The following THOC5 variants were observed in gnomAD, a reference collection of about 807,000 sequenced individuals.
The protein encoded by THOC5 is THO complex subunit 5.
Under a neutral mutation model 92.9 loss-of-function variants are expected in THOC5, and 43 were observed. That is an observed-to-expected ratio of 0.46 (90% CI 0.36 to 0.60). The LOEUF is 0.60. Ranked by LOEUF, THOC5 falls within the 20% of genes least tolerant of loss-of-function variation. THOC5 has a pLI of 0.00. For missense variants in THOC5, 659 were observed against 849.4 expected, an observed-to-expected ratio of 0.78 and a Z score of 2.79; for synonymous variants, 296 against 320.1, an observed-to-expected ratio of 0.92 and a Z score of 0.80.
At chr22:29,546,112 C>T (rs1385407135) in intron 2 of THOC5, among the ~76,000 whole-genome samples, 1 of 152,258 alleles carries the variant, frequency 6.6e-6, no homozygotes, top group Non-Finnish European at 1.5e-5. Flanking sequence ...GGCTTCCACC[C>T]TCTGAGCCAC....
At chr22:29,548,384 C>T (rs2064070430) in intron 2 of THOC5, among the ~76,000 whole-genome samples, 1 of 151,996 alleles carries the variant, frequency 6.6e-6, no homozygotes, top group Non-Finnish European at 1.5e-5. Flanking sequence ...GGCAAAACCT[C>T]ATATCTACAA....
chr22:29,543,347 CAA>C (rs59948387), intron 4 of THOC5, 80 bp downstream of exon 4: 40,311 of 449,796 alleles, frequency 0.09, no homozygotes, highest in East Asian at 0.12. Flanking sequence ...GACTCTGTCT[CAA>C]AAAAAAAAAA....
At chr22:29,516,209 T>C (rs1042129922) in intron 17 of THOC5, among the ~76,000 whole-genome samples, 4 of 148,232 alleles carry the variant, frequency 2.7e-5, no homozygotes, top group African/African-American at 9.9e-5. Flanking sequence ...AAAATCCAAA[T>C]AGTGGTCACT....
chr22:29,519,175 C>T, intron 14 of THOC5, 55 bp from the exon 15 acceptor site: 1 of 1,232,612 alleles, frequency 8.1e-7, no homozygotes, highest in Non-Finnish European at 1.2e-6. Flanking sequence ...TTCCTCCGGG[C>T]ACCATCTCTC....
At chr22:29,545,699 C>T (rs1456291104) in intron 2 of THOC5, among the ~76,000 whole-genome samples, 1 of 152,206 alleles carries the variant, frequency 6.6e-6, no homozygotes, top group Non-Finnish European at 1.5e-5. Flanking sequence ...AGGTGGCTTC[C>T]CATGGTCTTG....
intron 14 of THOC5, 96 bp from the exon 15 acceptor site, chr22:29,519,216 G>A (rs948425811): frequency 8.0e-6 from 6 of 749,468 alleles, no homozygotes; most frequent in Admixed American, 4.8e-5. Flanking sequence ...CGGCACCCTG[G>A]ATTATCCATG....
intron 7 of THOC5, chr22:29,535,207 G>C (rs945720391): frequency 7.0e-6 from 1 of 143,834 alleles, no homozygotes; most frequent in East Asian, 2.1e-4. Flanking sequence ...AGGTTGCAGT[G>C]AGCCGAGATG....
chr22:29,544,235 T>C (rs1474544589), intron 3 of THOC5, among the ~76,000 whole-genome samples: 1 of 152,142 alleles, frequency 6.6e-6, no homozygotes, highest in Admixed American at 6.5e-5. Flanking sequence ...ATGATCAAAT[T>C]AGTAGGGAAA....
At chr22:29,536,019 A>G (rs538999897) in intron 7 of THOC5, 3 of 152,354 alleles carry the variant, frequency 2.0e-5, no homozygotes, top group Non-Finnish European at 4.4e-5. Context: ...GGAAATATAG[A>G]TCTTGCCAAA....
intron 19 of THOC5, among the ~76,000 whole-genome samples, chr22:29,508,835 G>A (rs757955199): frequency 6.6e-5 from 10 of 151,798 alleles, no homozygotes; most frequent in South Asian, 2.1e-4. Flanking sequence ...TCTCTGTGTC[G>A]CCCAGGCTGG....
At chr22:29,512,249 A>T in intron 17 of THOC5, 113 bp from the exon 18 acceptor site, 2 of 761,194 alleles carry the variant, frequency 2.6e-6, no homozygotes, top group South Asian at 3.2e-5. Flanking sequence ...ATTAATCTGA[A>T]TGCTGCAGAG....
At chr22:29,527,548 G>T (rs746613604) in intron 11 of THOC5, among the ~76,000 whole-genome samples, 4 of 152,196 alleles carry the variant, frequency 2.6e-5, no homozygotes, top group African/African-American at 4.8e-5. Flanking sequence ...CAGGTGCAAA[G>T]AATCTTTCTA....
intron 15 of THOC5, 55 bp downstream of exon 15, chr22:29,518,951 G>T: frequency 1.8e-6 from 2 of 1,107,824 alleles, no homozygotes; most frequent in Non-Finnish European, 1.3e-6. Flanking sequence ...CTAAGTTGTT[G>T]TTGTCCGTGT....
intron 12 of THOC5, among the ~76,000 whole-genome samples, chr22:29,523,628 T>TGGG (rs1569215622): frequency 6.6e-6 from 1 of 152,060 alleles, no homozygotes; most frequent in East Asian, 1.9e-4. Flanking sequence ...ACAAAGACGG[T>TGGG]GGAAAGCCCA....
intron 2 of THOC5, chr22:29,545,157 G>A (rs1381624645): frequency 1.0e-5 from 4 of 395,970 alleles, no homozygotes; most frequent in Non-Finnish European, 2.0e-5. Flanking sequence ...GGAAGCAAAA[G>A]CAGAAACCCC....
At chr22:29,531,714 CT>C in intron 8 of THOC5, 116 bp downstream of exon 8, 1 of 1,492,568 alleles carries the variant, frequency 6.7e-7, no homozygotes, top group Non-Finnish European at 8.9e-7. Flanking sequence ...CTTCTGTCAC[CT>C]GAGGGCTTCG....
At chr22:29,532,385 C>T (rs1239081136) in intron 7 of THOC5, among the ~76,000 whole-genome samples, 1 of 151,772 alleles carries the variant, frequency 6.6e-6, no homozygotes, top group Non-Finnish European at 1.5e-5. Flanking sequence ...ATAAACAGGC[C>T]GGGCATAGTG....
intron 12 of THOC5, among the ~76,000 whole-genome samples, chr22:29,525,151 C>A (rs1478661833): frequency 3.3e-5 from 5 of 152,096 alleles, no homozygotes; most frequent in Non-Finnish European, 4.4e-5. Context: ...TGGCATGCAC[C>A]TGTAGTCCTA....
Position 29,511,285 on chromosome 22 carries a change from G to C in THOC5, c.1809C>G (p.Gly603=), listed in dbSNP as rs866852963. 1 of 1,611,102 alleles carries C rather than the reference G, an allele frequency of 6.2e-7. No individual in the cohort carries two copies. ...SNDDNIRAME[G]EVNVCYKELC... is the part of the protein sequence containing the mutation. Reference sequence around the variant, plus strand: ...GCTCCTTGTAGCACACATTGACTTCGCCCTCCATGGCCTGTGTGATAGGAA... The same window carrying C: ...GCTCCTTGTAGCACACATTGACTTCCCCCTCCATGGCCTGTGTGATAGGAA... The change falls in exon 19 of 20, where the codon GGC becomes GGG. Residue 603 remains glycine, a synonymous_variant. Coordinates refer to ENST00000490103, the MANE Select transcript of THOC5 (RefSeq NM_003678.5).
Sources: gnomAD v4.1 joint callset for allele counts (sites outside exome capture counted in the v4.1 genomes callset) on GRCh38, gnomAD v4.1.1 for gene constraint, MANE v1.5 for transcripts, NCBI Gene and HGNC (gene_info 2026-07-23, HGNC 2026-07-21) for gene names.